HHIPL1: variants seen among roughly 807,000 people sequenced by gnomAD.
The protein encoded by HHIPL1 is HHIP like 1.
A neutral mutation model predicts 61.8 loss-of-function variants in HHIPL1; 43 were observed. The ratio of observed to expected loss-of-function variants is 0.70; its 90% CI spans 0.55 to 0.90. The LOEUF (loss-of-function observed/expected upper bound fraction) is 0.90, where lower values mean the gene tolerates loss of function less well. Among genes scored for constraint, HHIPL1 ranks in the 40% least tolerant of loss-of-function variants. The probability of loss-of-function intolerance (pLI) is 0.00; values close to 1 mark genes in which losing one functional copy is unlikely to be tolerated. For synonymous variants in HHIPL1, 482 were observed against 515.8 expected (o/e 0.93, Z 0.89); for missense variants, 1,056 against 1,157.7 (o/e 0.91, Z 1.28).
the HHIPL1 span, among the ~76,000 whole-genome samples, chr14:99,607,021 CTTTTTTTTT>C: frequency 2.9e-5 from 2 of 68,424 alleles, no homozygotes; most frequent in African/African-American, 6.6e-5. Flanking sequence ...GTGACTTTGC[CTTTTTTTTT>C]TTTTTTTTTT....
the HHIPL1 span, among the ~76,000 whole-genome samples, chr14:99,621,273 AT>A: frequency 6.6e-6 from 1 of 151,852 alleles, no homozygotes; most frequent in East Asian, 1.9e-4. Flanking sequence ...TAATTTTTGT[AT>A]TTTTTTGTAG....
chr14:99,675,903 C>A lies in HHIPL1; in HGVS notation c.*277C>A. On this transcript the variant is annotated 3_prime_UTR_variant, in exon 9 of 9. Coordinates refer to ENST00000330710, the MANE Select transcript of HHIPL1 (RefSeq NM_001127258.3). This position sits in a 1 kb window ranked among gnomAD's most constrained non-coding sequence, Gnocchi z 5.4. Reference sequence around the variant, plus strand: ...TACCTCCAAGCGTTTCAGACACCAGCAGGAACAGCAGCCGGGCTGTGGGAC... The same window carrying A: ...TACCTCCAAGCGTTTCAGACACCAGAAGGAACAGCAGCCGGGCTGTGGGAC... The A allele has an allele frequency of 2.6e-6, 1 of 379,728 alleles. No individual in the cohort carries two copies. Among genetic ancestry groups the A allele is most frequent in the Non-Finnish European group, 4.7e-6 (1 of 213,174 alleles). The allele number at this position is 379,728 out of a possible 1,614,324, so 23.5% of individuals were successfully genotyped here.
chr14:99,631,389 C>T, the HHIPL1 span, among the ~76,000 whole-genome samples: 2 of 152,054 alleles, frequency 1.3e-5, no homozygotes, highest in East Asian at 1.9e-4. Context: ...TTTTCAAATA[C>T]GGTCACCTTC....
At chr14:99,641,847 C>T (rs374717833), upstream of HHIPL1, among the ~76,000 whole-genome samples, 2 of 151,852 alleles carry the variant, frequency 1.3e-5, no homozygotes, top group Non-Finnish European at 2.9e-5. Context: ...GGATATGCCT[C>T]GCTGTTGATT....
At chr14:99,650,575 G>A (rs1026254981) in intron 1 of HHIPL1, among the ~76,000 whole-genome samples, 4 of 152,222 alleles carry the variant, frequency 2.6e-5, no homozygotes, top group African/African-American at 9.6e-5. Context: ...GGCCAGTAGA[G>A]CTGAGCAGAC....
At position 99,659,500 on chromosome 14, in the gene HHIPL1, G is replaced by T. The variant is rs771056711; in HGVS notation, c.1119G>T (p.Pro373=). 1 of 1,539,884 alleles carries T rather than the reference G, an allele frequency of 6.5e-7. No homozygotes were observed. Among genetic ancestry groups the T allele is most frequent in the Admixed American group, 1.9e-5 (1 of 51,762 alleles). The change falls in exon 4 of 9, where the codon CCG becomes CCT. Residue 373 remains proline, a synonymous_variant. Transcript: ENST00000330710. The part of the protein sequence containing the change: ...RKERGLPYGI[P]PDNPFVGDPA... ...AGCGCGGCCTGCCCTACGGCATCCC[G>T]CCCGACAACCCGTTCGTGGGCGACC...
Position 99,656,866 on chromosome 14 carries a change from AGGAAGGAAGG to A in HHIPL1, c.903-133_903-124del, listed in dbSNP as rs1566810075. ...AAGGAAGGAAGGAAGGAAGGAAGGAAGGAAGGAAGGAAGGAAGGAAGGAAGGAAGGTCTTT... is the reference window on the plus strand; with the variant it reads ...AAGGAAGGAAGGAAGGAAGGAAGGAAAAGGAAGGAAGGAAGGAAGGTCTTT... On this transcript the variant is annotated intron_variant, in intron 2 of 8. Coordinates refer to ENST00000330710, the MANE Select transcript of HHIPL1 (RefSeq NM_001127258.3). 18 of 60,012 alleles carry A rather than the reference AGGAAGGAAGG, an allele frequency of 3.0e-4. 2 individuals are homozygous for A. Among genetic ancestry groups the A allele is most frequent in the Non-Finnish European group, 4.4e-4 (13 of 29,834 alleles). 3.7% of individuals were successfully genotyped at this position (60,012 alleles called of 1,614,324 possible). A position where few individuals can be genotyped will look rare whatever the true frequency, so the allele number is the denominator to read the frequency against.
chr14:99,631,106 T>TTCTTTCTC, the HHIPL1 span, among the ~76,000 whole-genome samples: 113 of 121,518 alleles, frequency 9.3e-4, no homozygotes, highest in Middle Eastern at 8.7e-3. Flanking sequence ...CTTTCTTTCT[T>TTCTTTCTC]TCTCTCTCTT....
At chr14:99,637,344 T>C in the HHIPL1 span, among the ~76,000 whole-genome samples, 1 of 152,042 alleles carries the variant, frequency 6.6e-6, no homozygotes, top group African/African-American at 2.4e-5. Context: ...GGCAGATCAC[T>C]TGAGGTCAGG....
the HHIPL1 span, among the ~76,000 whole-genome samples, chr14:99,606,447 G>A: frequency 7.7e-4 from 118 of 152,318 alleles, no homozygotes; most frequent in East Asian, 0.01. Context: ...AGATCGAAGC[G>A]TAAACGTTGG....
At chr14:99,611,138 T>TTTTG in the HHIPL1 span, among the ~76,000 whole-genome samples, 1 of 152,174 alleles carries the variant, frequency 6.6e-6, no homozygotes, top group Non-Finnish European at 1.5e-5. Flanking sequence ...TTGTTTCTAG[T>TTTTG]TTTGTTTGTT....
chr14:99,658,628 C>T (rs1595157978), intron 3 of HHIPL1, among the ~76,000 whole-genome samples: 1 of 152,122 alleles, frequency 6.6e-6, no homozygotes, highest in African/African-American at 2.4e-5. Context: ...CAGAAATCAC[C>T]GCTGAGAAGG....
the HHIPL1 span, among the ~76,000 whole-genome samples, chr14:99,608,734 G>A: frequency 6.6e-6 from 1 of 152,228 alleles, no homozygotes; most frequent in South Asian, 2.1e-4. Flanking sequence ...CCAGCACTGT[G>A]CTAGAGTTCC....
At chr14:99,638,391 G>A in the HHIPL1 span, among the ~76,000 whole-genome samples, 2 of 152,208 alleles carry the variant, frequency 1.3e-5, no homozygotes, top group African/African-American at 4.8e-5. Context: ...TCTTTCTGTA[G>A]AAGGGACGCA....
chr14:99,620,541 C>T, the HHIPL1 span, among the ~76,000 whole-genome samples: 1 of 152,242 alleles, frequency 6.6e-6, no homozygotes, highest in Non-Finnish European at 1.5e-5. Flanking sequence ...TTAAGGAAGC[C>T]CCTTCCTCCC....
intron 6 of HHIPL1, among the ~76,000 whole-genome samples, chr14:99,663,482 C>A (rs1047878837): frequency 1.3e-5 from 2 of 152,090 alleles, no homozygotes; most frequent in African/African-American, 4.8e-5. Flanking sequence ...GCAGTGAGGA[C>A]GACCAGAGGC....
chr14:99,617,666 G>A, the HHIPL1 span, among the ~76,000 whole-genome samples: 3 of 152,200 alleles, frequency 2.0e-5, no homozygotes, highest in East Asian at 1.9e-4. Flanking sequence ...CCTAGCTCTG[G>A]GCTGTGGTGC....
the HHIPL1 span, chr14:99,624,805 C>T: frequency 6.6e-6 from 1 of 152,266 alleles, no homozygotes; most frequent in East Asian, 1.9e-4. Flanking sequence ...TTCAGAATCC[C>T]TACTTGAACC....
upstream of HHIPL1, among the ~76,000 whole-genome samples, chr14:99,643,335 C>T (rs550489193): frequency 8.5e-5 from 13 of 152,242 alleles, no homozygotes; most frequent in South Asian, 2.1e-4. Context: ...CCACTGTGCC[C>T]GGCTCCTGAC....
Sources: allele counts gnomAD v4.1 joint callset (sites outside exome capture counted in the v4.1 genomes callset), GRCh38; gene constraint gnomAD v4.1.1; non-coding constraint Gnocchi (gnomAD v3.1); transcripts MANE v1.5; gene names NCBI Gene and HGNC (gene_info 2026-07-23, HGNC 2026-07-21).